The following HDAC4 variants were observed in gnomAD, a reference collection of about 807,000 sequenced individuals.
HDAC4 encodes the protein histone deacetylase A.
A neutral mutation model predicts 135.1 loss-of-function variants in HDAC4; 16 were observed. The observed-to-expected ratio is 0.12, with a 90% CI of 0.08 to 0.18. HDAC4 has a LOEUF of 0.18. HDAC4 is among the 10% of genes least tolerant of loss of function. The pLI is 1.00. For missense variants in HDAC4, 1,143 were observed against 1,511.8 expected (o/e 0.76, Z 4.05); for synonymous variants, 685 against 653.4 (o/e 1.05, Z -0.74).
intron 18 of HDAC4, among the ~76,000 whole-genome samples, chr2:239,087,982 C>CT (rs774200809): frequency 6.6e-6 from 1 of 152,104 alleles, no homozygotes; most frequent in African/African-American, 2.4e-5. Context: ...CCAGGACCCG[C>CT]TAGGTGGCCA....
intron 4 of HDAC4, among the ~76,000 whole-genome samples, chr2:239,180,601 G>C (rs1389953935): frequency 6.6e-6 from 1 of 152,222 alleles, no homozygotes; most frequent in African/African-American, 2.4e-5. Context: ...CTTCCATTCT[G>C]TAAGTAAAGC....
At chr2:239,147,043 C>T (rs1199532119) in intron 7 of HDAC4, among the ~76,000 whole-genome samples, 1 of 152,202 alleles carries the variant, frequency 6.6e-6, no homozygotes, top group East Asian at 1.9e-4. Flanking sequence ...TCCGCTCGTC[C>T]CTGCCCCGTG....
At chr2:239,223,332 G>A (rs530545566) in intron 3 of HDAC4, among the ~76,000 whole-genome samples, 6 of 152,316 alleles carry the variant, frequency 3.9e-5, no homozygotes, top group Admixed American at 1.3e-4. Flanking sequence ...GGGGCGAGCC[G>A]GCCTCTTCCA....
intron 11 of HDAC4, among the ~76,000 whole-genome samples, chr2:239,130,464 C>T (rs113955526): frequency 6.6e-6 from 1 of 152,082 alleles, no homozygotes; most frequent in Non-Finnish European, 1.5e-5. Context: ...AGCCTTAAGA[C>T]GCTGGTGGCA....
At chr2:239,310,365 T>C (rs1559353802) in intron 2 of HDAC4, among the ~76,000 whole-genome samples, 3 of 152,142 alleles carry the variant, frequency 2.0e-5, no homozygotes, top group Non-Finnish European at 4.4e-5. Context: ...GTGACAGCAT[T>C]GGTGTTTAGC....
At chr2:239,161,217 A>G in intron 6 of HDAC4, among the ~76,000 whole-genome samples, 1 of 152,194 alleles carries the variant, frequency 6.6e-6, no homozygotes. Context: ...ACGCATTGTG[A>G]ATATTTCCTT....
intron 2 of HDAC4, among the ~76,000 whole-genome samples, chr2:239,249,838 G>A (rs1032030179): frequency 2.0e-5 from 3 of 151,272 alleles, no homozygotes; most frequent in African/African-American, 7.3e-5. Flanking sequence ...AAACTCTTGT[G>A]TCAGGAAAGA....
rs1157322366 is a variant in HDAC4 at position 239,063,886 on chromosome 2, C to A, written c.3003+2836G>T. On this transcript the variant is annotated intron_variant, in intron 24 of 26. Coordinates refer to ENST00000543185, the MANE Select transcript of HDAC4 (RefSeq NM_001378414.1). ...CTGGCTTCCCAAGTCTGGGTCAAGG[C>A]CCCATGGGCCCCATGGCAGCCTTTG... Among the ~76,000 whole-genome samples, 3 of 152,244 alleles carry A rather than the reference C, an allele frequency of 2.0e-5. No homozygotes were observed. The East Asian group carries it at 5.8e-4, about 29-fold the overall frequency.
rs570004919 is a variant in HDAC4, at chr2:239,138,798, G to A, written c.978+886C>T. ...TCTGTCCCTGGGCCTGGCACAAGGC[G>A]CTCGGGACACGTGTGGGATAAAGGC... On this transcript the variant is annotated intron_variant, in intron 9 of 26. Transcript: ENST00000543185. Among the ~76,000 whole-genome samples, 35 of 152,316 alleles carry A rather than the reference G, an allele frequency of 2.3e-4. 1 individual carries two copies. In the East Asian group the frequency reaches 5.0e-3, roughly 22 times the overall value.
At chr2:239,061,132 CTG>C (rs1165365454) in intron 24 of HDAC4, among the ~76,000 whole-genome samples, 3 of 149,344 alleles carry the variant, frequency 2.0e-5, no homozygotes, top group African/African-American at 7.3e-5. Context: ...GGGAGTGTGA[CTG>C]AGTGTGAGTG....
At position 239,307,549 on chromosome 2, in the gene HDAC4, C is replaced by T. The variant is rs1483055000; in HGVS notation, c.22+45129G>A. On this transcript the variant is annotated intron_variant, in intron 2 of 26. Transcript: ENST00000543185. The surrounding 1 kb of genome is among the most constrained non-coding windows in gnomAD (Gnocchi z 4.8). ...GCCCATCTCTGCAGCTCCGTCCTCT[C>T]ACCTAGATAAAGTGAGTGTCTGCTT... Among the ~76,000 whole-genome samples, 3 of 152,194 alleles carry T rather than the reference C, an allele frequency of 2.0e-5. No homozygotes were observed. The highest frequency in any genetic ancestry group is 4.4e-5 in the Non-Finnish European group (3 of 68,028).
chr2:239,066,113 G>A (rs931553566), intron 24 of HDAC4, among the ~76,000 whole-genome samples: 7 of 151,494 alleles, frequency 4.6e-5, no homozygotes, highest in Non-Finnish European at 1.0e-4. Flanking sequence ...TGCTGGAATG[G>A]AACGCTGCAG....
intron 1 of HDAC4, among the ~76,000 whole-genome samples, chr2:239,379,627 C>A (rs1216407988): frequency 5.3e-5 from 8 of 152,164 alleles, no homozygotes; most frequent in Admixed American, 3.9e-4. Flanking sequence ...CCCACAGCCC[C>A]CACCTTGGTG....
At chr2:239,310,414 G>A (rs1233739975) in intron 2 of HDAC4, among the ~76,000 whole-genome samples, 1 of 152,218 alleles carries the variant, frequency 6.6e-6, no homozygotes, top group Non-Finnish European at 1.5e-5. Flanking sequence ...CAAGTATAGA[G>A]AATGTTTCAC....
chr2:239,227,843 G>A (rs953203213), intron 3 of HDAC4, among the ~76,000 whole-genome samples: 4 of 151,808 alleles, frequency 2.6e-5, no homozygotes, highest in Non-Finnish European at 5.9e-5. Context: ...AGGTCCAGCG[G>A]ACTGCAGGTC....
intron 3 of HDAC4, among the ~76,000 whole-genome samples, chr2:239,194,720 C>A (rs903348985): frequency 6.6e-6 from 1 of 152,244 alleles, no homozygotes; most frequent in East Asian, 1.9e-4. Flanking sequence ...GAGGATGATG[C>A]AGACTGCAGC....
intron 2 of HDAC4, among the ~76,000 whole-genome samples, chr2:239,310,041 C>T (rs910380221): frequency 2.6e-5 from 4 of 152,194 alleles, no homozygotes; most frequent in Admixed American, 6.5e-5. Flanking sequence ...CAGGGTTAGC[C>T]GTCCAGTTAG....
chr2:239,094,045 C>T, intron 17 of HDAC4: 1 of 985,392 alleles, frequency 1.0e-6, no homozygotes, highest in South Asian at 4.7e-5. Flanking sequence ...TAACAGAATC[C>T]AGACCTTGAG....
chr2:239,185,033 T>TG (rs67190136), intron 4 of HDAC4, among the ~76,000 whole-genome samples: 9 of 137,694 alleles, frequency 6.5e-5, no homozygotes, highest in African/African-American at 2.2e-4. Flanking sequence ...CTGTGCCCTA[T>TG]GGGGGGGGTC....
Sources: gnomAD v4.1 joint callset for allele counts (sites outside exome capture counted in the v4.1 genomes callset) on GRCh38, gnomAD v4.1.1 for gene constraint, Gnocchi (gnomAD v3.1) non-coding constraint, MANE v1.5 for transcripts, NCBI Gene and HGNC (gene_info 2026-07-23, HGNC 2026-07-21) for gene names.